FBN2: variants seen among roughly 807,000 people sequenced by gnomAD.
The protein encoded by FBN2 is fibrillin 2.
Under a neutral mutation model 355.6 loss-of-function variants are expected in FBN2, and 105 were observed. That is an observed-to-expected ratio of 0.30 (90% CI 0.25 to 0.35). The LOEUF (loss-of-function observed/expected upper bound fraction) is 0.35, where lower values mean the gene tolerates loss of function less well. Among genes scored for constraint, FBN2 ranks in the 10% least tolerant of loss-of-function variants. The pLI is 1.00. For missense variants in FBN2, 3,280 were observed against 3,758.7 expected (o/e 0.87, Z 3.33); for synonymous variants, 1,350 against 1,301.2 (o/e 1.04, Z -0.81).
chr5:128,410,741 T>C lies in FBN2; in HGVS notation c.953-1942A>G, dbSNP rs6882176. ...ACATAGAAGGACATGTGGAGTGACA[T>C]TAAATTTGTGGTTTTTCTGTTAACA... On this transcript the variant is annotated intron_variant, in intron 7 of 64. Coordinates refer to ENST00000262464, the MANE Select transcript of FBN2 (RefSeq NM_001999.4). Among the ~76,000 whole-genome samples the C allele has an allele frequency of 7.4e-3, 1,123 of 152,294 alleles. 12 individuals carry two copies. The highest frequency in any genetic ancestry group is 0.025 in the African/African-American group (1,056 of 41,568).
chr5:128,411,160 G>A (rs752228861), intron 7 of FBN2, among the ~76,000 whole-genome samples: 19 of 152,106 alleles, frequency 1.2e-4, no homozygotes, highest in Non-Finnish European at 2.2e-4. Context: ...CAGGATGAGT[G>A]TTTCCGGATG....
At chr5:128,377,000 C>T in intron 13 of FBN2, 147 bp from the exon 14 acceptor site, 1 of 924,604 alleles carries the variant, frequency 1.1e-6, no homozygotes, top group Admixed American at 2.0e-5. Flanking sequence ...AGAACGCCAA[C>T]TGAATGAGAA....
chr5:128,263,357 G>C (rs947433266), intron 63 of FBN2, 68 bp downstream of exon 63: 6 of 1,170,908 alleles, frequency 5.1e-6, no homozygotes, highest in Non-Finnish European at 6.4e-6. Context: ...TCCCTGCAGT[G>C]GGGGGTGGCC....
intron 5 of FBN2, among the ~76,000 whole-genome samples, chr5:128,495,430 A>G (rs1008620474): frequency 2.6e-5 from 4 of 152,178 alleles, no homozygotes; most frequent in Non-Finnish European, 5.9e-5. Flanking sequence ...TTGATGAAAC[A>G]CTATTAATTT....
chr5:128,282,632 A>T (rs1170388240), intron 55 of FBN2, among the ~76,000 whole-genome samples: 2 of 152,100 alleles, frequency 1.3e-5, no homozygotes, highest in Non-Finnish European at 2.9e-5. Context: ...TACTGAGAAG[A>T]GGTTGAAAAA....
intron 3 of FBN2, 75 bp from the exon 4 acceptor site, chr5:128,528,042 T>G: frequency 1.1e-6 from 1 of 932,138 alleles, no homozygotes; most frequent in Non-Finnish European, 1.7e-6. Context: ...GTTATAAAAC[T>G]ATAAACTCAA....
chr5:128,301,323 C>T lies in FBN2; in HGVS notation c.6046+59G>A, dbSNP rs545537278. 11 of 1,391,770 alleles carry T rather than the reference C, an allele frequency of 7.9e-6. No individual in the cohort carries two copies. The South Asian group carries it at 1.3e-4, about 16-fold the overall frequency. 86.2% of individuals were successfully genotyped at this position (1,391,770 alleles called of 1,614,324 possible). A position where few individuals can be genotyped will look rare whatever the true frequency, so the allele number is the denominator to read the frequency against. ...GTTCTTAAGTGAAAGGAGGGAGGCA[C>T]ATATCATCATTTTACAAAACATAAC... On this transcript the variant is annotated intron_variant, in intron 47 of 64. Coordinates refer to ENST00000262464, the MANE Select transcript of FBN2 (RefSeq NM_001999.4).
intron 5 of FBN2, among the ~76,000 whole-genome samples, chr5:128,490,287 G>A (rs948987049): frequency 2.6e-5 from 4 of 152,176 alleles, no homozygotes; most frequent in Non-Finnish European, 5.9e-5. Context: ...TTTAACAGAT[G>A]TTAGCCATAC....
intron 60 of FBN2, among the ~76,000 whole-genome samples, chr5:128,274,206 A>G (rs1276010127): frequency 1.3e-5 from 2 of 152,238 alleles, no homozygotes; most frequent in Non-Finnish European, 2.9e-5. Context: ...CACTGACTAA[A>G]GTTCCTTAAC....
intron 6 of FBN2, among the ~76,000 whole-genome samples, chr5:128,459,274 A>T (rs1287448100): frequency 6.6e-6 from 1 of 152,160 alleles, no homozygotes; most frequent in Non-Finnish European, 1.5e-5. Context: ...CCCTAAATAG[A>T]CCACTAACAA....
At chr5:128,536,905 C>T (rs1756861590) in intron 1 of FBN2, among the ~76,000 whole-genome samples, 1 of 151,960 alleles carries the variant, frequency 6.6e-6, no homozygotes, top group Admixed American at 6.6e-5. Flanking sequence ...CAAGGTGGAG[C>T]GCTCGGGTTG....
intron 44 of FBN2, 45 bp downstream of exon 44, chr5:128,305,466 G>A (rs763865925): frequency 1.2e-6 from 2 of 1,608,822 alleles, no homozygotes; most frequent in Non-Finnish European, 1.7e-6. Flanking sequence ...GAAATCTAAG[G>A]AATCTTGTGC....
chr5:128,361,702 G>A (rs1390748073), intron 19 of FBN2, 21 bp downstream of exon 19: 1 of 1,613,916 alleles, frequency 6.2e-7, no homozygotes, highest in Non-Finnish European at 8.5e-7. Flanking sequence ...GCACAAATAA[G>A]GCGATGAAGA....
In FBN2 at chr5:128,471,533, A is replaced by G. The variant is rs553730012; in HGVS notation, c.629-6612T>C. Among the ~76,000 whole-genome samples the G allele has an allele frequency of 5.3e-5, 8 of 152,284 alleles. No homozygotes were observed. In the South Asian group the frequency reaches 1.7e-3, roughly 32 times the overall value. Reference sequence around the variant, plus strand: ...TTAGAATTAAGTACAAAAATGTTTAAGAGAATCAAAGCCATTAAATTAATA... The same window carrying G: ...TTAGAATTAAGTACAAAAATGTTTAGGAGAATCAAAGCCATTAAATTAATA... On this transcript the variant is annotated intron_variant, in intron 5 of 64. Coordinates refer to ENST00000262464, the MANE Select transcript of FBN2 (RefSeq NM_001999.4).
chr5:128,500,101 T>G (rs1463299750), intron 5 of FBN2, among the ~76,000 whole-genome samples: 1 of 152,124 alleles, frequency 6.6e-6, no homozygotes, highest in African/African-American at 2.4e-5. Context: ...AAGCCCCTCC[T>G]CCTGGCTTTC....
chr5:128,363,014 G>C (rs530012483), intron 18 of FBN2, among the ~76,000 whole-genome samples: 1 of 151,906 alleles, frequency 6.6e-6, no homozygotes, highest in East Asian at 1.9e-4. Flanking sequence ...TTCCTTTCTT[G>C]ATCTTGTTTT....
chr5:128,484,195 T>G (rs17677346), intron 5 of FBN2, among the ~76,000 whole-genome samples: 1 of 152,162 alleles, frequency 6.6e-6, no homozygotes, highest in African/African-American at 2.4e-5. Context: ...GATAACCAAG[T>G]CCTTCTAAGT....
chr5:128,338,880 G>A (rs990705966), intron 26 of FBN2, 53 bp downstream of exon 26: 5 of 1,589,654 alleles, frequency 3.1e-6, no homozygotes, highest in African/African-American at 2.7e-5. Context: ...GCGCACGAAT[G>A]AGTCTGTGCT....
At chr5:128,322,825 G>T (rs1286918482) in intron 34 of FBN2, among the ~76,000 whole-genome samples, 1 of 152,184 alleles carries the variant, frequency 6.6e-6, no homozygotes, top group African/African-American at 2.4e-5. Context: ...ATGGTAGCTT[G>T]ATGGGGATAC....
Sources: gnomAD v4.1 joint callset for allele counts (sites outside exome capture counted in the v4.1 genomes callset) on GRCh38, gnomAD v4.1.1 for gene constraint, MANE v1.5 for transcripts, NCBI Gene and HGNC (gene_info 2026-07-23, HGNC 2026-07-21) for gene names.